SLC39A11: variants seen among roughly 807,000 people sequenced by gnomAD.
SLC39A11 encodes the protein zinc transporter ZIP11.
A neutral mutation model predicts 36.1 loss-of-function variants in SLC39A11; 33 were observed. That is an observed-to-expected ratio of 0.91 (90% CI 0.69 to 1.22). The LOEUF (loss-of-function observed/expected upper bound fraction) is 1.22. SLC39A11 is among the 50% of genes most tolerant of loss of function. The probability of loss-of-function intolerance (pLI) is 0.00; values close to 1 mark genes in which losing one functional copy is unlikely to be tolerated. For synonymous variants in SLC39A11, 166 were observed against 170.3 expected (o/e 0.97, Z 0.20); for missense variants, 432 against 430.3 (o/e 1.00, Z -0.03).
chr17:72,789,435 T>C (rs2076629084), intron 6 of SLC39A11, among the ~76,000 whole-genome samples: 1 of 152,164 alleles, frequency 6.6e-6, no homozygotes, highest in Non-Finnish European at 1.5e-5. Flanking sequence ...GAAGTACTTG[T>C]TAGGGCAAAG....
At chr17:73,082,484 TG>T (rs1323001553) in intron 3 of SLC39A11, among the ~76,000 whole-genome samples, 3 of 152,190 alleles carry the variant, frequency 2.0e-5, no homozygotes, top group Admixed American at 6.5e-5. Flanking sequence ...TTTTCTTTTT[TG>T]TTTTGTTTTT....
chr17:73,002,469 C>T (rs2089877477), intron 4 of SLC39A11, among the ~76,000 whole-genome samples: 1 of 152,138 alleles, frequency 6.6e-6, no homozygotes, highest in African/African-American at 2.4e-5. Flanking sequence ...TTAACATGTG[C>T]AAATGTTACT....
chr17:72,670,202 CACACACACACATAT>C (rs764696937), intron 7 of SLC39A11, among the ~76,000 whole-genome samples: 36 of 77,426 alleles, frequency 4.6e-4, no homozygotes, highest in African/African-American at 1.3e-3. Flanking sequence ...CACACACACA[CACACACACACATAT>C]ATATATATGC....
At chr17:73,003,894 T>G (rs2089974214) in intron 4 of SLC39A11, among the ~76,000 whole-genome samples, 1 of 152,048 alleles carries the variant, frequency 6.6e-6, no homozygotes, top group African/African-American at 2.4e-5. Context: ...GAGACCAGCC[T>G]GGCCAACATG....
intron 3 of SLC39A11, among the ~76,000 whole-genome samples, chr17:73,045,052 G>A (rs564056682): frequency 1.1e-4 from 17 of 152,064 alleles, no homozygotes; most frequent in Non-Finnish European, 1.9e-4. Context: ...CAATTCTGAT[G>A]AGCCACATTT....
At chr17:72,796,174 G>A (rs1031912581) in intron 6 of SLC39A11, among the ~76,000 whole-genome samples, 1 of 152,130 alleles carries the variant, frequency 6.6e-6, no homozygotes, top group Non-Finnish European at 1.5e-5. Flanking sequence ...AAACTCCTTA[G>A]ACTGGCTCAG....
intron 5 of SLC39A11, among the ~76,000 whole-genome samples, chr17:72,871,959 T>C (rs149640400): frequency 6.6e-6 from 1 of 152,288 alleles, no homozygotes; most frequent in East Asian, 1.9e-4. Context: ...AGTGGCAGAA[T>C]TGAATTCAAT....
chr17:72,868,043 T>A (rs1042177538), intron 5 of SLC39A11, among the ~76,000 whole-genome samples: 3 of 152,234 alleles, frequency 2.0e-5, no homozygotes, highest in African/African-American at 7.2e-5. Flanking sequence ...CTGGAACACC[T>A]TATAGAAGTT....
At chr17:72,957,914 T>G (rs926711715) in intron 4 of SLC39A11, among the ~76,000 whole-genome samples, 1 of 151,760 alleles carries the variant, frequency 6.6e-6, no homozygotes, top group Non-Finnish European at 1.5e-5. Context: ...CGCTTGAACC[T>G]AGAGGGGTGA....
intron 5 of SLC39A11, among the ~76,000 whole-genome samples, chr17:72,854,010 G>T (rs1385455412): frequency 2.0e-5 from 3 of 151,978 alleles, no homozygotes; most frequent in African/African-American, 7.3e-5. Flanking sequence ...GAGTAGAGGG[G>T]GGACTATTTC....
intron 7 of SLC39A11, among the ~76,000 whole-genome samples, chr17:72,717,873 G>C (rs1352512722): frequency 6.6e-6 from 1 of 152,204 alleles, no homozygotes; most frequent in Admixed American, 6.5e-5. Flanking sequence ...GGCTGGAGAA[G>C]TGAGTCATGA....
At chr17:72,739,220 T>G (rs1223519993) in intron 6 of SLC39A11, among the ~76,000 whole-genome samples, 3 of 151,578 alleles carry the variant, frequency 2.0e-5, no homozygotes, top group Non-Finnish European at 2.9e-5. Flanking sequence ...CCCCACCTCC[T>G]GGGTTCAAGT....
chr17:72,858,434 G>A (rs1325598983), intron 5 of SLC39A11, among the ~76,000 whole-genome samples: 1 of 152,116 alleles, frequency 6.6e-6, no homozygotes, highest in Non-Finnish European at 1.5e-5. Flanking sequence ...TGTTCTTTTT[G>A]CTTAGGATTG....
chr17:72,682,492 T>C (rs1009973200), intron 7 of SLC39A11, among the ~76,000 whole-genome samples: 2 of 152,208 alleles, frequency 1.3e-5, no homozygotes, highest in African/African-American at 2.4e-5. Flanking sequence ...ATACGTGTAA[T>C]TGACTAAATG....
At chr17:73,027,604 A>G (rs911659899) in intron 4 of SLC39A11, among the ~76,000 whole-genome samples, 2 of 152,212 alleles carry the variant, frequency 1.3e-5, no homozygotes, top group Admixed American at 1.3e-4. Flanking sequence ...CATGAGCAAT[A>G]TTTTGCTTTG....
intron 7 of SLC39A11, among the ~76,000 whole-genome samples, chr17:72,700,421 A>G (rs139596200): frequency 6.6e-6 from 1 of 152,340 alleles, no homozygotes; most frequent in African/African-American, 2.4e-5. Context: ...AACTATTTTT[A>G]TATACAACAG....
At chr17:73,022,625 C>T (rs1028792442) in intron 4 of SLC39A11, among the ~76,000 whole-genome samples, 2 of 87,922 alleles carry the variant, frequency 2.3e-5, no homozygotes, top group African/African-American at 7.1e-5. Context: ...AAAAAAGAAT[C>T]GGCCAGCCCA....
At chr17:72,781,300 C>A (rs1170487950) in intron 6 of SLC39A11, among the ~76,000 whole-genome samples, 3 of 151,990 alleles carry the variant, frequency 2.0e-5, no homozygotes, top group Non-Finnish European at 2.9e-5. Flanking sequence ...CTTCAGAGAA[C>A]TCCTCCCAGA....
chr17:72,736,868 G>A (rs2074452788), intron 6 of SLC39A11, 149 bp from the exon 7 acceptor site: 19 of 686,478 alleles, frequency 2.8e-5, no homozygotes, highest in Non-Finnish European at 5.0e-5. Context: ...GGGAAACTAA[G>A]TCATGGGGGC....
Sources: gnomAD v4.1 joint callset for allele counts (sites outside exome capture counted in the v4.1 genomes callset) on GRCh38, gnomAD v4.1.1 for gene constraint, MANE v1.5 for transcripts, NCBI Gene and HGNC (gene_info 2026-07-23, HGNC 2026-07-21) for gene names.